The following CPPED1 variants were observed in gnomAD, a reference collection of about 807,000 sequenced individuals.
CPPED1 encodes the protein calcineurin like phosphoesterase domain containing 1, also known as serine/threonine-protein phosphatase CPPED1.
Under a neutral mutation model 28.0 loss-of-function variants are expected in CPPED1, and 28 were observed. That is an observed-to-expected ratio of 1.00 (90% CI 0.74 to 1.37). The LOEUF is 1.37. Among genes scored for constraint, CPPED1 ranks in the 40% most tolerant of loss-of-function variants. The pLI, the probability that CPPED1 is intolerant of heterozygous loss-of-function variation, is 0.00. For synonymous variants in CPPED1, 198 were observed against 180.2 expected (o/e 1.10, Z -0.79); for missense variants, 504 against 416.5 (o/e 1.21, Z -1.83).
intron 2 of CPPED1, among the ~76,000 whole-genome samples, chr16:12,773,052 ACT>A (rs1260433873): frequency 1.3e-5 from 2 of 151,762 alleles, no homozygotes; most frequent in East Asian, 1.9e-4. Flanking sequence ...TTAAGAAAAA[ACT>A]CTTAGTTTTC....
At position 12,800,266 on chromosome 16, in the gene CPPED1, C is replaced by A. The variant is rs985407199; in HGVS notation, c.70+3441G>T. ...CCAGCCTGGCCAACATGGCGAAACC[C>A]TGTCTCTACTAAAAACACAAAAATT... On this transcript the variant is annotated intron_variant, in intron 1 of 3. Coordinates refer to ENST00000381774, the MANE Select transcript of CPPED1 (RefSeq NM_018340.3). Among the ~76,000 whole-genome samples, 52 of 152,138 alleles carry A rather than the reference C, an allele frequency of 3.4e-4. 1 individual carries two copies. Among genetic ancestry groups the A allele is most frequent in the Admixed American group, 3.4e-3 (52 of 15,268 alleles).
chr16:12,680,694 T>G (rs2079900203), intron 3 of CPPED1, among the ~76,000 whole-genome samples: 1 of 152,086 alleles, frequency 6.6e-6, no homozygotes, highest in Non-Finnish European at 1.5e-5. Flanking sequence ...AGAGACACTC[T>G]CAGGTTACGG....
intron 1 of CPPED1, among the ~76,000 whole-genome samples, chr16:12,787,747 T>C (rs1421698132): frequency 1.3e-5 from 2 of 152,150 alleles, no homozygotes; most frequent in African/African-American, 2.4e-5. Flanking sequence ...GACAGATTCA[T>C]AGAGAAGTTA....
Position 12,709,145 on chromosome 16 carries a change from A to G in CPPED1, c.290-4096T>C, listed in dbSNP as rs1441815702. ...CCAACCTCACCAGCATCATGAACAG[A>G]AAAAACAGAAACCTGCCCAAGGACA... is the stretch of plus-strand genomic sequence containing the variant. On this transcript the variant is annotated intron_variant, in intron 2 of 3. Transcript: ENST00000381774. This position sits in a 1 kb window ranked among gnomAD's most constrained non-coding sequence, Gnocchi z 4.4. 1.3e-5 allele frequency among the ~76,000 whole-genome samples: 2 copies of G among 152,178 alleles called. No homozygotes were observed. Among genetic ancestry groups the G allele is most frequent in the African/African-American group, 4.8e-5 (2 of 41,452 alleles).
chr16:12,705,197 C>T (rs772590377), intron 2 of CPPED1, 148 bp from the exon 3 acceptor site: 124 of 868,924 alleles, frequency 1.4e-4, no homozygotes, highest in Non-Finnish European at 1.9e-4. Context: ...AATGCAGTCA[C>T]GTGCTAAAAG....
chr16:12,798,369 T>TTCA (rs2141247892), intron 1 of CPPED1, among the ~76,000 whole-genome samples: 1 of 152,334 alleles, frequency 6.6e-6, no homozygotes, highest in East Asian at 1.9e-4. Context: ...AAGCATTTAT[T>TTCA]TCATCATCAT....
At chr16:12,688,371 C>T (rs976294004) in intron 3 of CPPED1, among the ~76,000 whole-genome samples, 2 of 141,146 alleles carry the variant, frequency 1.4e-5, no homozygotes, top group Non-Finnish European at 3.0e-5. Context: ...TTCGCTCTGT[C>T]ACCCAGGCTG....
At chr16:12,684,836 G>C (rs905688212) in intron 3 of CPPED1, among the ~76,000 whole-genome samples, 2 of 152,144 alleles carry the variant, frequency 1.3e-5, no homozygotes, top group African/African-American at 4.8e-5. Flanking sequence ...TGAATGGAGA[G>C]ATGGATGGAT....
At chr16:12,714,894 C>T (rs529204285) in intron 2 of CPPED1, among the ~76,000 whole-genome samples, 1 of 152,214 alleles carries the variant, frequency 6.6e-6, no homozygotes, top group East Asian at 1.9e-4. Context: ...AGATTTCTGC[C>T]TATGCTTTCT....
intron 2 of CPPED1, among the ~76,000 whole-genome samples, chr16:12,779,292 C>A (rs1251749173): frequency 2.6e-5 from 4 of 152,122 alleles, no homozygotes; most frequent in African/African-American, 9.7e-5. Context: ...GATCATGGCT[C>A]ACTGTAGCCT....
At position 12,681,546 on chromosome 16, in the gene CPPED1, C is replaced by T. The variant is rs79672306; in HGVS notation, c.716-16431G>A. On this transcript the variant is annotated intron_variant, in intron 3 of 3. Coordinates refer to ENST00000381774, the MANE Select transcript of CPPED1 (RefSeq NM_018340.3). ...CACTTTTCATACCTCACCTGATTAA[C>T]GATTCACAAAAATTATATTCTTCCC... 4.9e-3 allele frequency among the ~76,000 whole-genome samples: 739 copies of T among 152,250 alleles called. 5 individuals are homozygous for T. The highest frequency in any genetic ancestry group is 9.3e-3 in the African/African-American group (385 of 41,544).
intron 2 of CPPED1, among the ~76,000 whole-genome samples, chr16:12,706,914 C>T (rs556971273): frequency 6.6e-6 from 1 of 152,162 alleles, no homozygotes; most frequent in South Asian, 2.1e-4. Context: ...GTGGAGGGAG[C>T]CTTAGGGAGA....
intron 2 of CPPED1, chr16:12,745,742 T>G (rs1183660295): frequency 6.6e-6 from 1 of 152,206 alleles, no homozygotes; most frequent in Non-Finnish European, 1.5e-5. Context: ...AATACCTGGG[T>G]GATGTCATAA....
At chr16:12,706,646 G>A (rs948388207) in intron 2 of CPPED1, among the ~76,000 whole-genome samples, 12 of 151,368 alleles carry the variant, frequency 7.9e-5, no homozygotes, top group Admixed American at 1.3e-4. Context: ...TGGCTGGAAT[G>A]AATGTTTGGA....
chr16:12,757,687 G>A (rs889243503), intron 2 of CPPED1: 28 of 138,024 alleles, frequency 2.0e-4, no homozygotes, highest in Admixed American at 9.2e-4. Context: ...CATCCGCAAC[G>A]GACTTCATGC....
At chr16:12,758,728 A>G (rs886541336) in intron 2 of CPPED1, among the ~76,000 whole-genome samples, 9 of 152,218 alleles carry the variant, frequency 5.9e-5, no homozygotes, top group African/African-American at 2.2e-4. Flanking sequence ...TAGGCTGATT[A>G]TACAGTTTAC....
At chr16:12,749,635 G>A (rs1273526758) in intron 2 of CPPED1, among the ~76,000 whole-genome samples, 1 of 152,182 alleles carries the variant, frequency 6.6e-6, no homozygotes, top group African/African-American at 2.4e-5. Context: ...CTACACCCAG[G>A]CTAGAGTGTA....
intron 2 of CPPED1, among the ~76,000 whole-genome samples, chr16:12,764,256 T>C (rs1182979168): frequency 1.3e-5 from 2 of 151,656 alleles, no homozygotes; most frequent in Non-Finnish European, 2.9e-5. Flanking sequence ...CAGGCCAGAG[T>C]GCAGTGGTGC....
At chr16:12,787,644 A>C (rs1297633075) in intron 1 of CPPED1, among the ~76,000 whole-genome samples, 1 of 151,662 alleles carries the variant, frequency 6.6e-6, no homozygotes, top group Non-Finnish European at 1.5e-5. Flanking sequence ...TGACCTCGTG[A>C]TCTGCCCGTC....
Sources: allele counts gnomAD v4.1 joint callset (sites outside exome capture counted in the v4.1 genomes callset), GRCh38; gene constraint gnomAD v4.1.1; non-coding constraint Gnocchi (gnomAD v3.1); transcripts MANE v1.5; gene names NCBI Gene and HGNC (gene_info 2026-07-23, HGNC 2026-07-21).